Variants in KLF4 observed in about 807,000 individuals in gnomAD.
The protein encoded by KLF4 is Krueppel-like factor 4.
KLF4 carries 14 observed loss-of-function variants against 38.0 expected under a neutral mutation model. The observed-to-expected ratio is 0.37, with a 90% confidence interval of 0.24 to 0.58. KLF4 has a LOEUF of 0.58. KLF4 is among the 20% of genes least tolerant of loss of function. KLF4 has a pLI of 0.76. For synonymous variants in KLF4, 398 were observed against 302.5 expected, an observed-to-expected ratio of 1.32 and a Z score of -3.28; for missense variants, 737 against 670.1, an observed-to-expected ratio of 1.10 and a Z score of -1.10.
At position 107,485,664 on chromosome 9, in the gene KLF4, C is replaced by A. The variant is rs1316814018; in HGVS notation, c.*87G>T. ...ATGATTGTAGTGCTTTCTGGCTGGGCTCCTTCCCTCATCGGGAAGACAGTG... is the reference window on the plus strand; with the variant it reads ...ATGATTGTAGTGCTTTCTGGCTGGGATCCTTCCCTCATCGGGAAGACAGTG... On this transcript the variant is annotated 3_prime_UTR_variant, in exon 5 of 5. Transcript: ENST00000374672. The surrounding 1 kb of genome is among the most constrained non-coding windows in gnomAD (Gnocchi z 4.9). 6.1e-6 allele frequency: 8 copies of A among 1,302,306 alleles called. No individual in the cohort carries two copies. The African/African-American group carries it at 1.2e-4, about 20-fold the overall frequency. 80.7% of individuals were successfully genotyped at this position (1,302,306 alleles called of 1,614,324 possible). A position where few individuals can be genotyped will look rare whatever the true frequency, so the allele number is the denominator to read the frequency against.
Position 107,485,581 on chromosome 9 carries a change from G to T in KLF4, c.*170C>A. The T allele has an allele frequency of 1.6e-6, 1 of 612,728 alleles. No homozygotes were observed. Among genetic ancestry groups the T allele is most frequent in the Non-Finnish European group, 2.7e-6 (1 of 369,138 alleles). The allele number at this position is 612,728 out of a possible 1,614,324, so 38.0% of individuals were successfully genotyped here. ...ATCTGTTCTTTGATTTTTGTCTTTT[G>T]GATTCCTCATTTTTCCTGATTATCC... On this transcript the variant is annotated 3_prime_UTR_variant, in exon 5 of 5. Transcript: ENST00000374672. The surrounding 1 kb of genome is among the most constrained non-coding windows in gnomAD (Gnocchi z 4.9).
Position 107,487,676 on chromosome 9 carries a change from T to C in KLF4, c.718A>G (p.Ser240Gly). ...VLKASLSAPGSEYGSPSVISV... is the reference protein window; with the variant it reads ...VLKASLSAPGGEYGSPSVISV... ...ATGACCGACGGGCTGCCGTACTCGC[T>C]GCCAGGGGCGCTCAGCGACGCCTTC... Residue 240 changes from serine to glycine, a missense_variant, in exon 3 of 5, where the codon AGC becomes GGC. Physicochemically the swap from Ser to Gly is moderately conservative, Grantham distance 56 (BLOSUM62 0). Coordinates refer to ENST00000374672, the MANE Select transcript of KLF4 (RefSeq NM_004235.6). The surrounding 1 kb of genome is among the most constrained non-coding windows in gnomAD (Gnocchi z 6.1). The C allele has an allele frequency of 6.3e-7, 1 of 1,592,522 alleles. No homozygotes were observed. Among genetic ancestry groups the C allele is most frequent in the Non-Finnish European group, 8.6e-7 (1 of 1,166,880 alleles).
rs1564293984 is a variant in KLF4, at chr9:107,487,183, G to T, written c.1109C>A (p.Pro370Gln). 6.2e-7 allele frequency: 1 copy of T among 1,614,138 alleles called. No homozygotes were observed. Among genetic ancestry groups the T allele is most frequent in the East Asian group, 2.2e-5 (1 of 44,864 alleles). ...CTCCTCTGGCATGCAGGAACCGGGT[G>T]GCATGAGCTCTAGGGGTGAAGAAGG... The part of the protein sequence containing the change: ...VPPLHYQELM[P>Q]PGSCMPEEPK... The change falls in exon 4 of 5, where the codon CCA becomes CAA. Residue 370 changes from proline to glutamine, a missense_variant. Transcript: ENST00000374672. The surrounding 1 kb of genome is among the most constrained non-coding windows in gnomAD (Gnocchi z 6.1).
intron 4 of KLF4, 140 bp from the exon 5 acceptor site, chr9:107,486,066 G>C: frequency 1.4e-6 from 1 of 693,672 alleles, no homozygotes; most frequent in South Asian, 1.9e-5. Flanking sequence ...CCACTGAAGG[G>C]GTGTATTGAA....
Position 107,487,947 on chromosome 9 carries a change from G to A in KLF4, c.447C>T (p.Ser149=), listed in dbSNP as rs1212612053. 6.3e-7 allele frequency: 1 copy of A among 1,583,112 alleles called. No homozygotes were observed. Among genetic ancestry groups the A allele is most frequent in the Non-Finnish European group, 8.6e-7 (1 of 1,165,442 alleles). The part of the protein sequence containing the change: ...SGPASAPSTC[S]FTYPIRAGND... ...TCCCGGCCCGGATCGGATAGGTGAAGCTGCAGGTGGAGGGCGCGCTGGCAG... is the reference window on the plus strand; with the variant it reads ...TCCCGGCCCGGATCGGATAGGTGAAACTGCAGGTGGAGGGCGCGCTGGCAG... Residue 149 remains serine (S), a synonymous_variant, in exon 3 of 5, where the codon AGC becomes AGT. Transcript: ENST00000374672. This position sits in a 1 kb window ranked among gnomAD's most constrained non-coding sequence, Gnocchi z 6.1.
rs1328628290 is a variant in KLF4, at chr9:107,485,406, G to A, written c.*345C>T. On this transcript the variant is annotated 3_prime_UTR_variant, in exon 5 of 5. Transcript: ENST00000374672. This position sits in a 1 kb window ranked among gnomAD's most constrained non-coding sequence, Gnocchi z 4.9. ...TATATTGCATCAATACACAATTCAA[G>A]GGAATTCTGGTCTTCCCTCCCCCAA... 7.3e-6 allele frequency: 2 copies of A among 275,746 alleles called. No homozygotes were observed. The highest frequency in any genetic ancestry group is 2.2e-5 in the African/African-American group (1 of 46,404). The allele number at this position is 275,746 out of a possible 1,614,324, so 17.1% of individuals were successfully genotyped here.
chr9:107,486,572 G>A (rs1367192634), intron 4 of KLF4, among the ~76,000 whole-genome samples: 1 of 151,880 alleles, frequency 6.6e-6, no homozygotes, highest in African/African-American at 2.4e-5. Flanking sequence ...AAGTAAGACC[G>A]AATTGTTACG....
chr9:107,488,866 G>T lies in KLF4; in HGVS notation c.126+64C>A. ...TGGCTCTTGGTGACCCCAAGGCTCC[G>T]CCCGCCCCCACCACACCCACGAAAA... On this transcript the variant is annotated intron_variant, in intron 2 of 4. Coordinates refer to ENST00000374672, the MANE Select transcript of KLF4 (RefSeq NM_004235.6). The surrounding 1 kb of genome is among the most constrained non-coding windows in gnomAD (Gnocchi z 5.7). 2 of 1,519,760 alleles carry T rather than the reference G, an allele frequency of 1.3e-6. No individual in the cohort carries two copies. Among genetic ancestry groups the T allele is most frequent in the Non-Finnish European group, 1.8e-6 (2 of 1,127,210 alleles). The allele number at this position is 1,519,760 out of a possible 1,614,324, so 94.1% of individuals were successfully genotyped here. A position where few individuals can be genotyped will look rare whatever the true frequency, so the allele number is the denominator to read the frequency against.
In KLF4 at chr9:107,484,854, C is replaced by G. The variant is rs963609707; in HGVS notation, c.*897G>C. 4.4e-5 allele frequency: 8 copies of G among 182,930 alleles called. No homozygotes were observed. The highest frequency in any genetic ancestry group is 1.8e-4 in the East Asian group (2 of 11,294). The allele number at this position is 182,930 out of a possible 1,614,324, so 11.3% of individuals were successfully genotyped here. ...AAACAAAACAATAAAAAACATTATTCAGATAAAATATTATAGGTTTATTTA... is the reference window on the plus strand; with the variant it reads ...AAACAAAACAATAAAAAACATTATTGAGATAAAATATTATAGGTTTATTTA... On this transcript the variant is annotated 3_prime_UTR_variant, in exon 5 of 5. Coordinates refer to ENST00000374672, the MANE Select transcript of KLF4 (RefSeq NM_004235.6).
intron 4 of KLF4, among the ~76,000 whole-genome samples, chr9:107,486,330 C>T (rs1176521462): frequency 6.6e-6 from 1 of 152,046 alleles, no homozygotes; most frequent in East Asian, 1.9e-4. Context: ...GATAAAAAGC[C>T]ACAGGTGGCT....
Position 107,488,203 on chromosome 9 carries a change from T to C in KLF4, c.191A>G (p.Asp64Gly), listed in dbSNP as rs908756436. 1.2e-6 allele frequency: 2 copies of C among 1,611,726 alleles called. No homozygotes were observed. Among genetic ancestry groups the C allele is most frequent in the African/African-American group, 2.7e-5 (2 of 74,896 alleles). ...TGTGGCCACGGTCGCCGCCGCCAGG[T>C]CATAGGGGCGGCCGGGAAGCACTGG... is the stretch of plus-strand genomic sequence containing the variant. The part of the protein sequence containing the change: ...LPPVLPGRPY[D>G]LAAATVATDL... Residue 64 changes from aspartate (D) to glycine (G), a missense_variant, in exon 3 of 5, where the codon GAC becomes GGC. Coordinates refer to ENST00000374672, the MANE Select transcript of KLF4 (RefSeq NM_004235.6). The surrounding 1 kb of genome is among the most constrained non-coding windows in gnomAD (Gnocchi z 5.7).
chr9:107,489,503 C>G lies in KLF4; in HGVS notation c.-331G>C. The G allele has an allele frequency of 8.8e-5, 16 of 181,454 alleles. No homozygotes were observed. The highest frequency in any genetic ancestry group is 1.4e-4 in the Non-Finnish European group (12 of 88,472). 11.2% of individuals were successfully genotyped at this position (181,454 alleles called of 1,614,324 possible). On this transcript the variant is annotated 5_prime_UTR_variant, in exon 1 of 5. Coordinates refer to ENST00000374672, the MANE Select transcript of KLF4 (RefSeq NM_004235.6). ...CTGCCGTGGGCGCAGGGGCTGTGGC[C>G]GGGGCGGTGGGCGGGCGGTGCCGCC... is the stretch of plus-strand genomic sequence containing the variant.
chr9:107,488,470 G>T lies in KLF4; in HGVS notation c.127-203C>A. ...GAAGAGGTGATGCGTCTGTATTGCG[G>T]GTGTTATGTCCTGTCTGCCCAATTG... On this transcript the variant is annotated intron_variant, in intron 2 of 4. Coordinates refer to ENST00000374672, the MANE Select transcript of KLF4 (RefSeq NM_004235.6). The surrounding 1 kb of genome is among the most constrained non-coding windows in gnomAD (Gnocchi z 5.7). The T allele has an allele frequency of 4.3e-6, 4 of 921,644 alleles. No individual in the cohort carries two copies. The highest frequency in any genetic ancestry group is 4.7e-6 in the Non-Finnish European group (3 of 633,134). The allele number at this position is 921,644 out of a possible 1,614,324, so 57.1% of individuals were successfully genotyped here. A position where few individuals can be genotyped will look rare whatever the true frequency, so the allele number is the denominator to read the frequency against.
In KLF4 at chr9:107,487,173, G is replaced by A. The variant is rs780426320; in HGVS notation, c.1119C>T (p.Ser373=). 6.8e-6 allele frequency: 11 copies of A among 1,614,086 alleles called. No homozygotes were observed. The East Asian group carries it at 2.2e-4, about 33-fold the overall frequency. Residue 373 remains serine, a synonymous_variant, in exon 4 of 5, where the codon TCC becomes TCT. Transcript: ENST00000374672. This position sits in a 1 kb window ranked among gnomAD's most constrained non-coding sequence, Gnocchi z 6.1. ...TTGGCTTGGGCTCCTCTGGCATGCAGGAACCGGGTGGCATGAGCTCTAGGG... is the reference window on the plus strand; with the variant it reads ...TTGGCTTGGGCTCCTCTGGCATGCAAGAACCGGGTGGCATGAGCTCTAGGG... ...LHYQELMPPG[S]CMPEEPKPKR... is the part of the protein sequence containing the mutation.
In KLF4 at chr9:107,488,003, A is replaced by C. The variant is rs745396425; in HGVS notation, c.391T>G (p.Ser131Ala). The stretch of plus-strand genomic sequence containing the variant: ...CTGCTCGACGGCGACGACGAAGAGG[A>C]GGCTGACGCTGACGAGGACACGGTG... ...AATVSSSASA[S>A]SSSSPSSSGP... Residue 131 changes from serine (S) to alanine (A), a missense_variant, in exon 3 of 5, where the codon TCC (serine) becomes GCC (alanine). Physicochemically the swap from Ser to Ala is moderately conservative, Grantham distance 99 (BLOSUM62 1). Around this residue, in one of 2 missense-constraint regions of KLF4, gnomAD observed 695 missense variants for 554.5 expected, o/e 1.25. Transcript: ENST00000374672. The surrounding 1 kb of genome is among the most constrained non-coding windows in gnomAD (Gnocchi z 5.7). 1.2e-5 allele frequency: 19 copies of C among 1,602,930 alleles called. No individual in the cohort carries two copies. The highest frequency in any genetic ancestry group is 2.7e-5 in the African/African-American group (2 of 74,738).
chr9:107,486,751 A>G (rs1433923462), intron 4 of KLF4, among the ~76,000 whole-genome samples: 1 of 152,120 alleles, frequency 6.6e-6, no homozygotes, highest in Non-Finnish European at 1.5e-5. Context: ...GCCTTTTAAA[A>G]GCCTAACAAA....
chr9:107,487,823 T>C lies in KLF4; in HGVS notation c.571A>G (p.Asn191Asp). 1.3e-6 allele frequency: 2 copies of C among 1,529,852 alleles called. No individual in the cohort carries two copies. Among genetic ancestry groups the C allele is most frequent in the African/African-American group, 1.4e-5 (1 of 72,814 alleles). The allele number at this position is 1,529,852 out of a possible 1,614,324, so 94.8% of individuals were successfully genotyped here. Reference protein sequence around the residue: ...PTAPFNLADINDVSPSGGFVA... With the variant: ...PTAPFNLADIDDVSPSGGFVA... ...AAGCCGCCCGAGGGGCTCACGTCGT[T>C]GATGTCCGCCAGGTTGAAGGGAGCC... Residue 191 changes from asparagine to aspartate, a missense_variant, in exon 3 of 5, where the codon AAC becomes GAC. Asn to Asp is a conservative substitution (Grantham distance 23). Transcript: ENST00000374672. This position sits in a 1 kb window ranked among gnomAD's most constrained non-coding sequence, Gnocchi z 6.1.
In KLF4 at chr9:107,487,296, T is replaced by C. The variant is rs1235564554; in HGVS notation, c.1098A>G (p.Gln366=). The change falls in exon 3 of 5, where the codon CAA becomes CAG. Residue 366 remains glutamine (Q), a splice_region_variant and synonymous_variant. Transcript: ENST00000374672. The surrounding 1 kb of genome is among the most constrained non-coding windows in gnomAD (Gnocchi z 6.1). ...GAGCTACAAATCCCCGGGACTGACC[T>C]TGGTAATGGAGCGGCGGGACTTGCG... ...MQPQVPPLHY[Q]ELMPPGSCMP... The C allele has an allele frequency of 1.3e-6, 2 of 1,586,326 alleles. No homozygotes were observed. The highest frequency in any genetic ancestry group is 2.2e-5 in the East Asian group (1 of 44,564).
In KLF4 at chr9:107,487,430, C is replaced by G. The variant is rs1190671294; in HGVS notation, c.964G>C (p.Glu322Gln). 3.3e-6 allele frequency: 5 copies of G among 1,520,062 alleles called. No individual in the cohort carries two copies. The highest frequency in any genetic ancestry group is 4.4e-6 in the Non-Finnish European group (5 of 1,136,004). 94.2% of individuals were successfully genotyped at this position (1,520,062 alleles called of 1,614,324 possible). ...CAGTCCCTGCTGCTCAGCACTTCCT[C>G]AAGACCCAGGGTCGGGGTAGTCCTG... ...PSRTTPTLGLEEVLSSRDCHP... is the reference protein window; with the variant it reads ...PSRTTPTLGLQEVLSSRDCHP... Residue 322 changes from glutamate to glutamine, a missense_variant, in exon 3 of 5, where the codon GAG becomes CAG. Around this residue, in one of 2 missense-constraint regions of KLF4, gnomAD observed 695 missense variants for 554.5 expected, o/e 1.25. Transcript: ENST00000374672. The surrounding 1 kb of genome is among the most constrained non-coding windows in gnomAD (Gnocchi z 6.1).
Sources: gnomAD v4.1 joint callset for allele counts (sites outside exome capture counted in the v4.1 genomes callset) on GRCh38, gnomAD v4.1.1 for gene constraint, gnomAD v4.1.1 regional missense constraint, Gnocchi (gnomAD v3.1) non-coding constraint, MANE v1.5 for transcripts, NCBI Gene and HGNC (gene_info 2026-07-23, HGNC 2026-07-21) for gene names.